The following ADK variants were observed in gnomAD, a reference collection of about 807,000 sequenced individuals.
ADK encodes adenosine kinase, also known as N6,N6-dimethyladenosine kinase.
In ADK, 24 loss-of-function variants were observed where a neutral mutation model predicts 44.7. The observed-to-expected ratio is 0.54, with a 90% CI of 0.39 to 0.76. The LOEUF (loss-of-function observed/expected upper bound fraction) is 0.76. ADK is among the 30% of genes least tolerant of loss of function. The pLI, the probability that ADK is intolerant of heterozygous loss-of-function variation, is 0.00. For missense variants in ADK, 321 were observed against 425.1 expected, an observed-to-expected ratio of 0.76 and a Z score of 2.15; for synonymous variants, 128 against 142.6, an observed-to-expected ratio of 0.90 and a Z score of 0.73.
chr10:74,384,873 A>G (rs904194047), intron 4 of ADK, among the ~76,000 whole-genome samples: 1 of 152,182 alleles, frequency 6.6e-6, no homozygotes, highest in Non-Finnish European at 1.5e-5. Context: ...GTTCAATCAT[A>G]AAGTTGTTTA....
intron 6 of ADK, among the ~76,000 whole-genome samples, chr10:74,498,356 G>A (rs977738948): frequency 6.6e-6 from 1 of 152,122 alleles, no homozygotes; most frequent in Non-Finnish European, 1.5e-5. Context: ...GTAGTAGAAT[G>A]GGCATGTGGT....
intron 4 of ADK, among the ~76,000 whole-genome samples, chr10:74,366,408 C>T (rs986387347): frequency 1.3e-5 from 2 of 152,104 alleles, no homozygotes; most frequent in Non-Finnish European, 2.9e-5. Context: ...ATTGCTGATA[C>T]TTATTTCTGT....
intron 3 of ADK, among the ~76,000 whole-genome samples, chr10:74,228,850 A>G (rs370495044): frequency 6.6e-6 from 1 of 152,320 alleles, no homozygotes; most frequent in Non-Finnish European, 1.5e-5. Context: ...ATTCAGAAGT[A>G]TCCATACTAC....
At chr10:74,467,468 C>G (rs1846403086) in intron 6 of ADK, among the ~76,000 whole-genome samples, 1 of 152,028 alleles carries the variant, frequency 6.6e-6, no homozygotes, top group African/African-American at 2.4e-5. Flanking sequence ...TTTCGTAGTT[C>G]AGATTGCCCA....
At chr10:74,344,750 C>A in intron 4 of ADK, 1 of 179,064 alleles carries the variant, frequency 5.6e-6, no homozygotes. Context: ...ATTGTCAGTC[C>A]CAAGAAATTC....
intron 6 of ADK, among the ~76,000 whole-genome samples, chr10:74,453,104 C>A (rs1430057084): frequency 6.6e-6 from 1 of 151,884 alleles, no homozygotes; most frequent in African/African-American, 2.4e-5. Flanking sequence ...TTAACTCTTT[C>A]TGAAAAATCT....
rs1041394058 is a variant in ADK, at chr10:74,542,430, AT to A, written c.726+17012del. Among the ~76,000 whole-genome samples the A allele has an allele frequency of 5.3e-5, 8 of 152,152 alleles. No individual in the cohort carries two copies. In the East Asian group the frequency reaches 1.5e-3, roughly 29 times the overall value. On this transcript the variant is annotated intron_variant, in intron 7 of 10. Coordinates refer to ENST00000539909, the MANE Select transcript of ADK (RefSeq NM_006721.4). ...ACTAAGAGCTCAATATCTGTGTACA[AT>A]TTTTTTTGTCTTTAGCCTTTTGTGT...
intron 10 of ADK, among the ~76,000 whole-genome samples, chr10:74,694,141 A>G (rs2134275179): frequency 7.5e-6 from 1 of 133,874 alleles, no homozygotes; most frequent in Non-Finnish European, 1.6e-5. Flanking sequence ...AACTTTTTTC[A>G]AACACATTTT....
intron 3 of ADK, among the ~76,000 whole-genome samples, chr10:74,302,086 T>C: frequency 1.1e-5 from 1 of 89,154 alleles, no homozygotes; most frequent in Non-Finnish European, 2.3e-5. Flanking sequence ...TTCTTTTCTT[T>C]TCTGTTTTTT....
intron 6 of ADK, among the ~76,000 whole-genome samples, chr10:74,450,099 G>T (rs1845720598): frequency 6.6e-6 from 1 of 152,072 alleles, no homozygotes; most frequent in Non-Finnish European, 1.5e-5. Context: ...GAGGCCAGGA[G>T]TTTGAGACCA....
intron 2 of ADK, among the ~76,000 whole-genome samples, chr10:74,208,251 G>A (rs1053575137): frequency 2.6e-5 from 4 of 152,244 alleles, no homozygotes; most frequent in Admixed American, 1.3e-4. Context: ...CACTCAGGAG[G>A]GTGGGGCTCC....
At chr10:74,646,844 T>G (rs974283856) in intron 9 of ADK, among the ~76,000 whole-genome samples, 3 of 152,186 alleles carry the variant, frequency 2.0e-5, no homozygotes, top group Admixed American at 6.5e-5. Context: ...AAACAGTGGG[T>G]GCATTTAAAG....
intron 8 of ADK, among the ~76,000 whole-genome samples, chr10:74,594,159 G>A (rs987053750): frequency 2.6e-5 from 4 of 151,026 alleles, no homozygotes; most frequent in African/African-American, 9.8e-5. Flanking sequence ...ACACAGGGAG[G>A]GCAACATCAT....
intron 8 of ADK, among the ~76,000 whole-genome samples, chr10:74,591,650 T>G (rs1851724880): frequency 6.6e-6 from 1 of 152,194 alleles, no homozygotes; most frequent in Admixed American, 6.6e-5. Flanking sequence ...TCACTTTATC[T>G]TAATAGTTTT....
intron 7 of ADK, among the ~76,000 whole-genome samples, chr10:74,582,498 T>C (rs1851405672): frequency 6.6e-6 from 1 of 152,162 alleles, no homozygotes. Context: ...CCTAACTTAA[T>C]TTGTTCTTTA....
chr10:74,222,756 C>T (rs1844366020), intron 2 of ADK, among the ~76,000 whole-genome samples: 1 of 150,344 alleles, frequency 6.7e-6, no homozygotes, highest in African/African-American at 2.4e-5. Flanking sequence ...TAAACTATCA[C>T]AAGAACAAAA....
rs988704713 is a variant in ADK at position 74,527,842 on chromosome 10, T to C, written c.726+2416T>C. 13 of 1,118,152 alleles carry C rather than the reference T, an allele frequency of 1.2e-5. No homozygotes were observed. The Admixed American group carries it at 2.2e-4, about 19-fold the overall frequency. The allele number at this position is 1,118,152 out of a possible 1,614,324, so 69.3% of individuals were successfully genotyped here. A position where few individuals can be genotyped will look rare whatever the true frequency, so the allele number is the denominator to read the frequency against. ...AGTGGCCCTCTTGCTTCCAAGTGTC[T>C]TGAAGCTGCCAGCCAGATCTCTAAC... On this transcript the variant is annotated intron_variant, in intron 7 of 10. Coordinates refer to ENST00000539909, the MANE Select transcript of ADK (RefSeq NM_006721.4).
chr10:74,416,565 TTTCTG>T (rs1844381993), intron 6 of ADK, among the ~76,000 whole-genome samples: 1 of 88,104 alleles, frequency 1.1e-5, no homozygotes, highest in South Asian at 2.9e-4. Context: ...TTTGTTTTTG[TTTCTG>T]TTTTTTTTTT....
intron 8 of ADK, among the ~76,000 whole-genome samples, chr10:74,597,042 A>G (rs1851950200): frequency 6.6e-6 from 1 of 152,178 alleles, no homozygotes; most frequent in South Asian, 2.1e-4. Flanking sequence ...TCTTCGTTAT[A>G]GATACTATAA....
Sources: gnomAD v4.1 joint callset for allele counts (sites outside exome capture counted in the v4.1 genomes callset) on GRCh38, gnomAD v4.1.1 for gene constraint, MANE v1.5 for transcripts, NCBI Gene and HGNC (gene_info 2026-07-23, HGNC 2026-07-21) for gene names.